The following SV2C variants were observed in gnomAD, a reference collection of about 807,000 sequenced individuals.
SV2C encodes the protein solute carrier family 22 member B3.
In SV2C, 49 loss-of-function variants were observed where a neutral mutation model predicts 79.7. That is an observed-to-expected ratio of 0.61 (90% CI 0.49 to 0.78). The LOEUF (loss-of-function observed/expected upper bound fraction) is 0.78, where lower values mean the gene tolerates loss of function less well. Ranked by LOEUF, SV2C falls within the 30% of genes least tolerant of loss-of-function variation. SV2C has a pLI of 0.00. For synonymous variants in SV2C, 334 were observed against 333.2 expected (o/e 1.00, Z -0.03); for missense variants, 833 against 912.9 (o/e 0.91, Z 1.13).
chr5:76,036,931 GC>G, the SV2C span, among the ~76,000 whole-genome samples: 1 of 152,152 alleles, frequency 6.6e-6, no homozygotes, highest in African/African-American at 2.4e-5. Context: ...TTTCTTGGAG[GC>G]TTTGCTCGTT....
At chr5:76,324,728 TG>T (rs1479683185) in intron 12 of SV2C, among the ~76,000 whole-genome samples, 5 of 151,962 alleles carry the variant, frequency 3.3e-5, no homozygotes, top group African/African-American at 4.8e-5. Flanking sequence ...AGTACACACT[TG>T]TAGTCCCAAG....
At chr5:75,963,022 G>C in the SV2C span, among the ~76,000 whole-genome samples, 1 of 152,036 alleles carries the variant, frequency 6.6e-6, no homozygotes, top group Non-Finnish European at 1.5e-5. Context: ...ACACTGTGAT[G>C]TGACTTACAA....
the SV2C span, among the ~76,000 whole-genome samples, chr5:75,959,572 G>A: frequency 6.6e-6 from 1 of 151,984 alleles, no homozygotes; most frequent in East Asian, 1.9e-4. Flanking sequence ...ATGCACATGT[G>A]TGCACACATA....
At chr5:76,087,869 G>C (rs541073613) in intron 1 of SV2C, among the ~76,000 whole-genome samples, 1 of 152,346 alleles carries the variant, frequency 6.6e-6, no homozygotes, top group East Asian at 1.9e-4. Flanking sequence ...AAAGCCATAG[G>C]AGTGAGTGAC....
At chr5:76,123,301 A>T (rs1748593729) in intron 1 of SV2C, among the ~76,000 whole-genome samples, 1 of 152,232 alleles carries the variant, frequency 6.6e-6, no homozygotes, top group Non-Finnish European at 1.5e-5. Context: ...CAGAGGTAAA[A>T]GGAGGAACTG....
chr5:76,092,178 G>A lies in SV2C; in HGVS notation c.-102+8666G>A, dbSNP rs553945833. Among the ~76,000 whole-genome samples, 32 of 152,240 alleles carry A rather than the reference G, an allele frequency of 2.1e-4. No individual in the cohort carries two copies. In the South Asian group the frequency reaches 5.0e-3, roughly 24 times the overall value. Reference sequence around the variant, plus strand: ...AGATCAAACTCTCTTATCTTTTAGCGTATGGAAAGGACCTTACATATTTTA... The same window carrying A: ...AGATCAAACTCTCTTATCTTTTAGCATATGGAAAGGACCTTACATATTTTA... On this transcript the variant is annotated intron_variant, in intron 1 of 12. Coordinates refer to ENST00000502798, the MANE Select transcript of SV2C (RefSeq NM_014979.4).
the SV2C span, among the ~76,000 whole-genome samples, chr5:75,900,991 C>A: frequency 6.6e-6 from 1 of 152,102 alleles, no homozygotes; most frequent in Admixed American, 6.6e-5. Flanking sequence ...TTTGTCTAAA[C>A]TTTTTTCAAA....
the SV2C span, among the ~76,000 whole-genome samples, chr5:76,011,936 G>A: frequency 1.3e-5 from 2 of 152,096 alleles, no homozygotes; most frequent in Non-Finnish European, 2.9e-5. Context: ...CAAAGGACGT[G>A]AACTCATTTT....
chr5:75,902,104 G>A, the SV2C span, among the ~76,000 whole-genome samples: 2,681 of 150,596 alleles, frequency 0.018, 74 homozygotes, highest in African/African-American at 0.06. Context: ...ACTGACCTGT[G>A]CCCAGTGTCT....
intron 4 of SV2C, among the ~76,000 whole-genome samples, chr5:76,276,547 C>T (rs1212235669): frequency 6.6e-6 from 1 of 152,004 alleles, no homozygotes. Context: ...AGGCTGGTCT[C>T]GAACTCCTGA....
At chr5:75,945,365 G>A in the SV2C span, among the ~76,000 whole-genome samples, 1 of 151,848 alleles carries the variant, frequency 6.6e-6, no homozygotes. Flanking sequence ...CATCCAGAGT[G>A]CAATGACACA....
At chr5:76,000,006 G>A in the SV2C span, among the ~76,000 whole-genome samples, 1 of 152,070 alleles carries the variant, frequency 6.6e-6, no homozygotes, top group Admixed American at 6.6e-5. Context: ...TGAGGATTAA[G>A]CTCCAACATA....
chr5:76,049,965 A>G, the SV2C span, among the ~76,000 whole-genome samples: 1 of 152,242 alleles, frequency 6.6e-6, no homozygotes, highest in Admixed American at 6.5e-5. Context: ...CCTGGGTTGA[A>G]TCTTACCTAG....
At chr5:75,989,449 C>A in the SV2C span, among the ~76,000 whole-genome samples, 7 of 152,060 alleles carry the variant, frequency 4.6e-5, no homozygotes, top group Non-Finnish European at 8.8e-5. Context: ...TATGTCCCTG[C>A]AAAGGATGTG....
chr5:75,878,857 A>G, the SV2C span, among the ~76,000 whole-genome samples: 1 of 148,668 alleles, frequency 6.7e-6, no homozygotes, highest in Non-Finnish European at 1.5e-5. Flanking sequence ...TTATATTAAA[A>G]AAAAGGTTTA....
chr5:76,251,391 T>A (rs1340720470), intron 4 of SV2C, among the ~76,000 whole-genome samples: 6 of 151,866 alleles, frequency 4.0e-5, no homozygotes, highest in African/African-American at 1.4e-4. Context: ...GAAAAAATAA[T>A]AATAATAATA....
intron 3 of SV2C, among the ~76,000 whole-genome samples, chr5:76,198,384 C>G (rs191918360): frequency 6.6e-6 from 1 of 152,224 alleles, no homozygotes; most frequent in East Asian, 1.9e-4. Context: ...CCCCCCAGCC[C>G]TCTCTTTTGC....
chr5:76,023,921 C>T, the SV2C span, among the ~76,000 whole-genome samples: 2 of 151,166 alleles, frequency 1.3e-5, no homozygotes, highest in Non-Finnish European at 2.9e-5. Flanking sequence ...TATCCTTGAC[C>T]TCTACACACT....
intron 1 of SV2C, among the ~76,000 whole-genome samples, chr5:76,100,237 G>C (rs1321183933): frequency 6.6e-6 from 1 of 152,166 alleles, no homozygotes; most frequent in Non-Finnish European, 1.5e-5. Context: ...CTACAGCTAT[G>C]CTAGATGAAA....
Sources: allele counts gnomAD v4.1 joint callset (sites outside exome capture counted in the v4.1 genomes callset), GRCh38; gene constraint gnomAD v4.1.1; transcripts MANE v1.5; gene names NCBI Gene and HGNC (gene_info 2026-07-23, HGNC 2026-07-21).